ANK2: variants seen among roughly 807,000 people sequenced by gnomAD.
ANK2 encodes ankyrin-2.
In ANK2, 83 loss-of-function variants were observed where a neutral mutation model predicts 360.5. The observed-to-expected ratio is 0.23, with a 90% CI of 0.19 to 0.28. The LOEUF is 0.28. Among genes scored for constraint, ANK2 ranks in the 10% least tolerant of loss-of-function variants. ANK2 has a pLI of 1.00. For synonymous variants in ANK2, 1,740 were observed against 1,759.5 expected (o/e 0.99, Z 0.28); for missense variants, 4,201 against 4,795.7 (o/e 0.88, Z 3.66).
At chr4:112,796,115 A>G in the ANK2 span, among the ~76,000 whole-genome samples, 3 of 152,086 alleles carry the variant, frequency 2.0e-5, no homozygotes, top group African/African-American at 7.2e-5. Context: ...GAATTTTTAA[A>G]AAAATTGTGA....
rs754034649 is a variant in ANK2, at chr4:113,355,564, C to T, written c.6946C>T (p.Pro2316Ser). The T allele has an allele frequency of 1.9e-6, 3 of 1,614,078 alleles. No homozygotes were observed. The East Asian group carries it at 6.7e-5, about 36-fold the overall frequency. ...SFQKEATLGS[P>S]KDTSPKRQDD... The stretch of plus-strand genomic sequence containing the variant: ...TCAGAAAGAGGCCACTCTAGGCTCT[C>T]CCAAAGACACAAGCCCTAAAAGACA... Residue 2316 changes from proline (P) to serine (S), a missense_variant, in exon 38 of 46, where the codon CCC (proline) becomes TCC (serine). By Grantham distance (74) the Pro-to-Ser change is moderately conservative (BLOSUM62 -1). Transcript: ENST00000357077.
chr4:113,266,122 A>G, intron 14 of ANK2, among the ~76,000 whole-genome samples: 1 of 151,806 alleles, frequency 6.6e-6, no homozygotes, highest in Admixed American at 6.6e-5. Context: ...CCTACCCCCG[A>G]CAGTCTCCAG....
chr4:112,950,678 T>C (rs1001870354), intron 2 of ANK2, among the ~76,000 whole-genome samples: 6 of 148,782 alleles, frequency 4.0e-5, no homozygotes, highest in Non-Finnish European at 8.9e-5. Flanking sequence ...AAAAGAAAGG[T>C]TAAAAAATAA....
chr4:112,817,569 T>A (rs1257079900), upstream of ANK2, among the ~76,000 whole-genome samples: 3 of 152,120 alleles, frequency 2.0e-5, no homozygotes, highest in East Asian at 3.8e-4. Context: ...GCCCATGAAC[T>A]AAACTCAGTG....
At chr4:112,779,535 A>G in the ANK2 span, among the ~76,000 whole-genome samples, 3 of 152,038 alleles carry the variant, frequency 2.0e-5, no homozygotes, top group Admixed American at 6.6e-5. Context: ...AAGAAAAAAA[A>G]AGGCCATTTT....
chr4:113,210,539 CAG>C (rs2099009791), intron 4 of ANK2, among the ~76,000 whole-genome samples: 1 of 152,146 alleles, frequency 6.6e-6, no homozygotes, highest in Non-Finnish European at 1.5e-5. Flanking sequence ...AGCAAGAATC[CAG>C]AGTCAGATAA....
At position 113,249,834 on chromosome 4, in the gene ANK2, G is replaced by A. The variant is rs150226540; in HGVS notation, c.962G>A (p.Arg321Gln). 3.8e-4 allele frequency: 610 copies of A among 1,613,998 alleles called. 2 individuals carry two copies. Among genetic ancestry groups the A allele is most frequent in the Middle Eastern group, 1.6e-4 (1 of 6,082 alleles). The part of the protein sequence containing the change: ...HDQVVELLLE[R>Q]GAPLLARTKN... The stretch of plus-strand genomic sequence containing the variant: ...CAAGTGGTGGAACTTCTGTTGGAAC[G>A]GGGTGCCCCCTTGCTGGCAAGGACT... Residue 321 changes from arginine to glutamine, a missense_variant, in exon 10 of 46, where the codon CGG (arginine) becomes CAG (glutamine). Arg to Gln is a conservative substitution (Grantham distance 43). Transcript: ENST00000357077.
At chr4:113,287,558 G>A (rs536619799) in intron 18 of ANK2, 47 bp from the exon 19 acceptor site, 7 of 1,331,740 alleles carry the variant, frequency 5.3e-6, no homozygotes, top group African/African-American at 1.4e-5. Flanking sequence ...ATGATGCAAT[G>A]TATTTTCTTC....
intron 33 of ANK2, among the ~76,000 whole-genome samples, chr4:113,342,759 G>T (rs1384355173): frequency 6.6e-6 from 1 of 152,146 alleles, no homozygotes; most frequent in Non-Finnish European, 1.5e-5. Context: ...TGTATTTTGG[G>T]GTTGTGGAAT....
chr4:113,306,404 T>C (rs1003648220), intron 23 of ANK2, among the ~76,000 whole-genome samples: 1 of 152,204 alleles, frequency 6.6e-6, no homozygotes, highest in African/African-American at 2.4e-5. Context: ...TTTGGTCTGC[T>C]GATGCATAAA....
chr4:112,784,019 C>G, the ANK2 span, among the ~76,000 whole-genome samples: 1 of 152,112 alleles, frequency 6.6e-6, no homozygotes, highest in East Asian at 1.9e-4. Flanking sequence ...AGTGAAAATA[C>G]ATGAACTAAA....
chr4:112,930,118 T>C (rs901128086), intron 2 of ANK2, among the ~76,000 whole-genome samples: 13 of 145,056 alleles, frequency 9.0e-5, no homozygotes, highest in East Asian at 8.0e-4. Context: ...GAAAGCTCCC[T>C]TTTTTTTTTT....
chr4:112,910,957 C>CT (rs1163828806), intron 2 of ANK2, among the ~76,000 whole-genome samples: 3,522 of 125,140 alleles, frequency 0.028, 125 homozygotes, highest in African/African-American at 0.082. Context: ...TATTATTTGC[C>CT]TTTTTTTTTT....
At chr4:113,177,706 T>C (rs189104759) in intron 2 of ANK2, among the ~76,000 whole-genome samples, 6 of 152,308 alleles carry the variant, frequency 3.9e-5, no homozygotes, top group Admixed American at 3.9e-4. Context: ...TTTCTTATAG[T>C]GGCCAGCCAT....
chr4:112,842,595 C>G, intron 1 of ANK2, among the ~76,000 whole-genome samples: 1 of 152,124 alleles, frequency 6.6e-6, no homozygotes, highest in East Asian at 1.9e-4. Context: ...TAACTTAGAT[C>G]CCTTGCATGT....
intron 1 of ANK2, among the ~76,000 whole-genome samples, chr4:113,126,373 A>G (rs1332981315): frequency 1.3e-5 from 2 of 152,206 alleles, no homozygotes; most frequent in Admixed American, 1.3e-4. Context: ...GAGTTCTTCT[A>G]CAGGTAGTAG....
At chr4:113,009,381 C>A (rs1045942891) in intron 2 of ANK2, among the ~76,000 whole-genome samples, 1 of 151,868 alleles carries the variant, frequency 6.6e-6, no homozygotes, top group African/African-American at 2.4e-5. Flanking sequence ...TTCTCCATAC[C>A]TTTTTAGTTG....
chr4:113,032,744 A>G (rs1048617321), intron 2 of ANK2, among the ~76,000 whole-genome samples: 47 of 152,222 alleles, frequency 3.1e-4, no homozygotes, highest in African/African-American at 1.1e-3. Flanking sequence ...TAAATATATT[A>G]TTCCAAGAGA....
At chr4:113,134,655 T>C (rs1489061735) in intron 1 of ANK2, among the ~76,000 whole-genome samples, 1 of 152,148 alleles carries the variant, frequency 6.6e-6, no homozygotes. Context: ...AGAAAAGGCA[T>C]ATTTCAGTAA....
Sources: allele counts gnomAD v4.1 joint callset (sites outside exome capture counted in the v4.1 genomes callset), GRCh38; gene constraint gnomAD v4.1.1; transcripts MANE v1.5; gene names NCBI Gene and HGNC (gene_info 2026-07-23, HGNC 2026-07-21).